Variants in TTC23L observed in about 807,000 individuals in gnomAD.
The protein encoded by TTC23L is tetratricopeptide repeat protein 23-like.
A neutral mutation model predicts 48.1 loss-of-function variants in TTC23L; 42 were observed. The observed-to-expected ratio is 0.87, with a 90% CI of 0.68 to 1.13. The LOEUF is 1.13. Among genes scored for constraint, TTC23L ranks in the 50% most tolerant of loss-of-function variants. The pLI, the probability that TTC23L is intolerant of heterozygous loss-of-function variation, is 0.00. For synonymous variants in TTC23L, 159 were observed against 157.2 expected (o/e 1.01, Z -0.09); for missense variants, 391 against 421.0 (o/e 0.93, Z 0.62).
the TTC23L span, chr5:34,915,399 G>A: frequency 2.4e-5 from 6 of 253,764 alleles, no homozygotes; most frequent in Admixed American, 3.0e-4. Context: ...CGGGGTCCCC[G>A]AGTGCGGAAA....
chr5:34,846,665 GTA>G (rs1491117996), intron 3 of TTC23L, among the ~76,000 whole-genome samples: 1,884 of 99,332 alleles, frequency 0.019, 32 homozygotes, highest in African/African-American at 0.051. Flanking sequence ...ATATATGTGT[GTA>G]TGTGTGTGTG....
At chr5:34,919,274 CAAAAAA>C in the TTC23L span, among the ~76,000 whole-genome samples, 4 of 35,964 alleles carry the variant, frequency 1.1e-4, no homozygotes, top group Admixed American at 3.8e-4. Context: ...GACCCTGTCT[CAAAAAA>C]AAAAAAAAAA....
the TTC23L span, chr5:34,918,616 AT>A: frequency 8.4e-6 from 4 of 478,720 alleles, no homozygotes; most frequent in Non-Finnish European, 1.5e-5. Flanking sequence ...AAGTGCCACA[AT>A]TTTTCCAGTT....
chr5:34,916,049 A>T, the TTC23L span: 1 of 905,084 alleles, frequency 1.1e-6, no homozygotes, highest in Non-Finnish European at 1.6e-6. Context: ...CAGACTGGGC[A>T]CGGAGTTTGC....
the TTC23L span, among the ~76,000 whole-genome samples, chr5:34,924,396 C>T: frequency 4.5e-3 from 692 of 152,238 alleles, 5 homozygotes; most frequent in Non-Finnish European, 7.1e-3. Context: ...CTTTTAATTC[C>T]ATAATCAGTA....
intron 8 of TTC23L, among the ~76,000 whole-genome samples, chr5:34,870,753 G>A (rs140316649): frequency 2.8e-4 from 43 of 152,268 alleles, no homozygotes; most frequent in African/African-American, 1.0e-3. Context: ...GATCCAGTGT[G>A]TTTAGGGTGG....
chr5:34,893,950 A>G (rs956077592), intron 9 of TTC23L, among the ~76,000 whole-genome samples: 1 of 152,204 alleles, frequency 6.6e-6, no homozygotes, highest in African/African-American at 2.4e-5. Context: ...GATTCAAAAC[A>G]TAAAATGCCA....
At chr5:34,909,133 T>G in the TTC23L span, 1 of 911,384 alleles carries the variant, frequency 1.1e-6, no homozygotes, top group East Asian at 2.6e-5. Flanking sequence ...TCCAGCACTC[T>G]ACTATTCATT....
At chr5:34,897,425 T>C (rs1255207632) in intron 10 of TTC23L, among the ~76,000 whole-genome samples, 2 of 151,862 alleles carry the variant, frequency 1.3e-5, no homozygotes, top group Non-Finnish European at 2.9e-5. Flanking sequence ...AAAAAATACA[T>C]ATATATACAA....
At chr5:34,896,670 A>T in intron 9 of TTC23L, 100 bp from the exon 10 acceptor site, 1 of 719,502 alleles carries the variant, frequency 1.4e-6, no homozygotes, top group Non-Finnish European at 2.6e-6. Context: ...ATGAAATTTA[A>T]GTTCTGGAAT....
chr5:34,923,144 A>G, the TTC23L span: 2 of 1,613,390 alleles, frequency 1.2e-6, no homozygotes, highest in East Asian at 2.2e-5. Context: ...TCTTTAGTAC[A>G]CCACGGTATC....
chr5:34,839,656 T>A, intron 1 of TTC23L: 3 of 985,292 alleles, frequency 3.0e-6, no homozygotes, highest in Non-Finnish European at 2.4e-6. Context: ...GGAGCCTGGG[T>A]CAGAAAGCCA....
chr5:34,923,926 A>C, the TTC23L span, among the ~76,000 whole-genome samples: 1 of 147,616 alleles, frequency 6.8e-6, no homozygotes, highest in South Asian at 2.2e-4. Flanking sequence ...ATTTAACTTT[A>C]TAGAAAGGGA....
the TTC23L span, chr5:34,923,372 C>T: frequency 1.1e-5 from 7 of 651,326 alleles, no homozygotes; most frequent in East Asian, 5.4e-5. Context: ...CTCCACCTCC[C>T]GGGTTCAAGC....
chr5:34,845,488 T>G (rs1274354973), exon 3 of TTC23L: 1 of 1,612,490 alleles, frequency 6.2e-7, no homozygotes, highest in African/African-American at 1.3e-5. Flanking sequence ...TACCTACAGG[T>G]CACAGCAAAC....
the TTC23L span, chr5:34,911,469 T>G: frequency 1.3e-6 from 2 of 1,489,968 alleles, no homozygotes; most frequent in East Asian, 2.3e-5. Flanking sequence ...ATGTGGATAA[T>G]AAAAATTTTG....
intron 8 of TTC23L, 117 bp downstream of exon 8, chr5:34,869,130 G>A: frequency 1.3e-6 from 1 of 795,308 alleles, no homozygotes; most frequent in Non-Finnish European, 2.1e-6. Flanking sequence ...AAAATTAGGT[G>A]GGTCACAGTC....
At chr5:34,913,596 A>C in the TTC23L span, 1 of 1,470,432 alleles carries the variant, frequency 6.8e-7, no homozygotes, top group Non-Finnish European at 9.3e-7. Context: ...AAGAGTAAAA[A>C]TGAAAATTGT....
chr5:34,914,614 T>C, the TTC23L span: 3 of 1,330,928 alleles, frequency 2.3e-6, no homozygotes, highest in South Asian at 3.6e-5. Context: ...TTAAGTTATT[T>C]TGTCTACTGA....
Sources: allele counts gnomAD v4.1 joint callset (sites outside exome capture counted in the v4.1 genomes callset), GRCh38; gene constraint gnomAD v4.1.1; transcripts MANE v1.5; gene names NCBI Gene and HGNC (gene_info 2026-07-23, HGNC 2026-07-21).